The following NAV2 variants were observed in gnomAD, a reference collection of about 807,000 sequenced individuals.
The protein encoded by NAV2 is neuron navigator 2.
Under a neutral mutation model 223.2 loss-of-function variants are expected in NAV2, and 54 were observed. That is an observed-to-expected ratio of 0.24 (90% CI 0.19 to 0.30). NAV2 has a LOEUF of 0.30. NAV2 is among the 10% of genes least tolerant of loss of function. The pLI is 1.00. For synonymous variants in NAV2, 1,279 were observed against 1,239.3 expected, an observed-to-expected ratio of 1.03 and a Z score of -0.67; for missense variants, 2,806 against 3,147.5, an observed-to-expected ratio of 0.89 and a Z score of 2.60.
At chr11:19,472,772 C>A (rs1036838301) in intron 1 of NAV2, among the ~76,000 whole-genome samples, 2 of 152,170 alleles carry the variant, frequency 1.3e-5, no homozygotes, top group African/African-American at 4.8e-5. Flanking sequence ...GCGGTAGTTG[C>A]CGGGAAGATG....
In NAV2 at chr11:20,018,093, C is replaced by A. The variant is rs912945953; in HGVS notation, c.2769-17866C>A. ...AAACTGCCAGGTGTGGTGGCTCACT[C>A]CTGTAATCCCAGCACTTTGGGAGGC... On this transcript the variant is annotated intron_variant, in intron 11 of 37. Coordinates refer to ENST00000349880, the MANE Select transcript of NAV2 (RefSeq NM_145117.5). Among the ~76,000 whole-genome samples, 5 of 152,136 alleles carry A rather than the reference C, an allele frequency of 3.3e-5. No homozygotes were observed. In the East Asian group the frequency reaches 5.8e-4, roughly 18 times the overall value.
intron 1 of NAV2, among the ~76,000 whole-genome samples, chr11:19,549,542 C>A (rs535549781): frequency 6.6e-6 from 1 of 152,204 alleles, no homozygotes; most frequent in East Asian, 1.9e-4. Flanking sequence ...AGGGCAGGTA[C>A]CGTGAGAGAG....
intron 20 of NAV2, among the ~76,000 whole-genome samples, chr11:20,064,715 T>C (rs2058929437): frequency 6.6e-6 from 1 of 152,228 alleles, no homozygotes; most frequent in Admixed American, 6.5e-5. Flanking sequence ...TTCATGAAAT[T>C]TGAAATTGTC....
chr11:19,650,757 T>G (rs998172522), intron 1 of NAV2, among the ~76,000 whole-genome samples: 1 of 152,204 alleles, frequency 6.6e-6, no homozygotes, highest in Non-Finnish European at 1.5e-5. Context: ...AGGAATGAAC[T>G]TCTGACACGT....
chr11:19,564,859 G>T (rs574269097), intron 1 of NAV2, among the ~76,000 whole-genome samples: 2 of 152,360 alleles, frequency 1.3e-5, no homozygotes, highest in Non-Finnish European at 2.9e-5. Context: ...ACTGGGCCGG[G>T]CGTGGTGGCT....
At chr11:19,828,334 A>C (rs908432886) in intron 1 of NAV2, among the ~76,000 whole-genome samples, 3 of 152,142 alleles carry the variant, frequency 2.0e-5, no homozygotes, top group Non-Finnish European at 4.4e-5. Flanking sequence ...CTCTGTACCC[A>C]TAAAACTTCC....
chr11:19,539,236 G>A (rs1364047949), intron 1 of NAV2, among the ~76,000 whole-genome samples: 2 of 152,190 alleles, frequency 1.3e-5, no homozygotes, highest in Non-Finnish European at 2.9e-5. Context: ...GGGTGTGCAG[G>A]CATGAATAGT....
intron 4 of NAV2, among the ~76,000 whole-genome samples, chr11:19,871,991 C>G (rs1590993546): frequency 1.3e-5 from 2 of 152,236 alleles, no homozygotes; most frequent in Admixed American, 1.3e-4. Flanking sequence ...GACATTCTGT[C>G]ATCTAGATCT....
At chr11:20,078,142 C>G (rs2059875943) in intron 24 of NAV2, 38 bp downstream of exon 24, 2 of 1,493,624 alleles carry the variant, frequency 1.3e-6, no homozygotes, top group African/African-American at 2.8e-5. Context: ...AGAAGACCTG[C>G]CTGCCCTTAG....
intron 1 of NAV2, among the ~76,000 whole-genome samples, chr11:19,436,049 G>C (rs188285364): frequency 3.6e-4 from 54 of 151,910 alleles, no homozygotes; most frequent in African/African-American, 1.3e-3. Context: ...TGCTTCCTTT[G>C]TTGTGGAGCT....
At chr11:20,028,585 G>A (rs1289964005) in intron 11 of NAV2, among the ~76,000 whole-genome samples, 3 of 152,152 alleles carry the variant, frequency 2.0e-5, no homozygotes, top group Non-Finnish European at 2.9e-5. Flanking sequence ...ATAGCTGTGC[G>A]CTACAATCTA....
chr11:20,061,977 G>A (rs2058738119), intron 19 of NAV2, among the ~76,000 whole-genome samples: 1 of 152,222 alleles, frequency 6.6e-6, no homozygotes, highest in Admixed American at 6.5e-5. Context: ...GCAATTGTGA[G>A]TCAGTGCAGG....
At chr11:19,554,943 G>GAA (rs556440929) in intron 1 of NAV2, among the ~76,000 whole-genome samples, 1 of 117,912 alleles carries the variant, frequency 8.5e-6, no homozygotes. Context: ...GCGAAACTCC[G>GAA]AAAAAAAAAA....
chr11:19,787,249 C>G (rs1210866300), intron 1 of NAV2, among the ~76,000 whole-genome samples: 1 of 147,270 alleles, frequency 6.8e-6, no homozygotes, highest in Non-Finnish European at 1.5e-5. Context: ...CACCAACATG[C>G]CTGGCTAATT....
intron 1 of NAV2, among the ~76,000 whole-genome samples, chr11:19,398,595 A>T (rs1849559633): frequency 6.6e-6 from 1 of 151,628 alleles, no homozygotes; most frequent in South Asian, 2.1e-4. Context: ...GCTATGTTCC[A>T]TTCACCCTCT....
chr11:19,433,618 G>A (rs922515372), intron 1 of NAV2, among the ~76,000 whole-genome samples: 4 of 152,252 alleles, frequency 2.6e-5, no homozygotes, highest in Non-Finnish European at 5.9e-5. Flanking sequence ...CTGAAAGGCG[G>A]TGGTATGGAC....
chr11:19,802,115 T>C (rs974354311), intron 1 of NAV2, among the ~76,000 whole-genome samples: 1 of 152,160 alleles, frequency 6.6e-6, no homozygotes, highest in Non-Finnish European at 1.5e-5. Flanking sequence ...TCCGAAGGGC[T>C]AGAAGGATTA....
intron 1 of NAV2, among the ~76,000 whole-genome samples, chr11:19,454,645 T>G (rs1206019589): frequency 2.0e-5 from 3 of 152,130 alleles, no homozygotes; most frequent in Non-Finnish European, 2.9e-5. Context: ...CCTTCTGTCA[T>G]GGAGCCTCCA....
chr11:20,048,764 C>G lies in NAV2; in HGVS notation c.3939C>G (p.Ile1313Met). The G allele has an allele frequency of 6.2e-7, 1 of 1,614,144 alleles. No individual in the cohort carries two copies. Among genetic ancestry groups the G allele is most frequent in the Non-Finnish European group, 8.5e-7 (1 of 1,180,004 alleles). ...GGAAGCCTACCAAGCAAGTGCCCATCGCCACAGCTGAAAACATGAAAAATT... is the reference window on the plus strand; with the variant it reads ...GGAAGCCTACCAAGCAAGTGCCCATGGCCACAGCTGAAAACATGAAAAATT... Reference protein sequence around the residue: ...FGGKPTKQVPIATAENMKNSV... With the variant: ...FGGKPTKQVPMATAENMKNSV... Residue 1313 changes from isoleucine to methionine, a missense_variant, in exon 15 of 38, where the codon ATC becomes ATG. Physicochemically the swap from Ile to Met is conservative, Grantham distance 10. This residue lies in a region of NAV2 where 742 missense variants were observed against 777.9 expected (regional missense o/e 0.95). Coordinates refer to ENST00000349880, the MANE Select transcript of NAV2 (RefSeq NM_145117.5).
Sources: allele counts gnomAD v4.1 joint callset (sites outside exome capture counted in the v4.1 genomes callset), GRCh38; gene constraint gnomAD v4.1.1; regional missense constraint gnomAD v4.1.1; transcripts MANE v1.5; gene names NCBI Gene and HGNC (gene_info 2026-07-23, HGNC 2026-07-21).